The following ART3 variants were observed in gnomAD, a reference collection of about 807,000 sequenced individuals.
ART3 encodes the protein ecto-ADP-ribosyltransferase 3.
ART3 carries 49 observed loss-of-function variants against 48.5 expected under a neutral mutation model. The ratio of observed to expected loss-of-function variants is 1.01; its 90% CI spans 0.80 to 1.28. The LOEUF is 1.28. Ranked by LOEUF, ART3 falls within the 50% of genes most tolerant of loss-of-function variation. The probability of loss-of-function intolerance (pLI) is 0.00; values close to 1 mark genes in which losing one functional copy is unlikely to be tolerated. For synonymous variants in ART3, 145 were observed against 157.2 expected (o/e 0.92, Z 0.58); for missense variants, 438 against 454.3 (o/e 0.96, Z 0.33).
intron 3 of ART3, among the ~76,000 whole-genome samples, chr4:76,091,539 C>T (rs1724888305): frequency 6.6e-6 from 1 of 152,140 alleles, no homozygotes; most frequent in African/African-American, 2.4e-5. Context: ...TATATATTTA[C>T]TGAAACACCT....
chr4:76,089,709 CTG>C (rs1444528224), intron 3 of ART3, among the ~76,000 whole-genome samples: 1 of 144,040 alleles, frequency 6.9e-6, no homozygotes, highest in African/African-American at 2.7e-5. Context: ...AGCTTTAAAA[CTG>C]AGTTCTACCT....
At chr4:76,071,049 T>G (rs1025818188), upstream of ART3, among the ~76,000 whole-genome samples, 1 of 152,044 alleles carries the variant, frequency 6.6e-6, no homozygotes, top group African/African-American at 2.4e-5. Context: ...GGTTTTTTTC[T>G]GTCTTTAAAA....
At chr4:76,088,248 CTTT>C (rs33947322) in intron 3 of ART3, among the ~76,000 whole-genome samples, 4 of 147,614 alleles carry the variant, frequency 2.7e-5, no homozygotes, top group African/African-American at 2.5e-5. Flanking sequence ...CCTGAACTCT[CTTT>C]TTTTTTTTTT....
chr4:76,048,041 G>T (rs1735680256), intron 1 of ART3, among the ~76,000 whole-genome samples: 1 of 152,046 alleles, frequency 6.6e-6, no homozygotes, highest in East Asian at 1.9e-4. Flanking sequence ...TAGCCCAGGG[G>T]TTTTTATGGT....
intron 3 of ART3, among the ~76,000 whole-genome samples, chr4:76,086,921 AAC>A (rs1723721496): frequency 6.6e-6 from 1 of 152,052 alleles, no homozygotes; most frequent in African/African-American, 2.4e-5. Flanking sequence ...GAAATCAGAA[AAC>A]ACTGCAAACC....
At chr4:76,013,820 G>A (rs1732020314) in intron 1 of ART3, among the ~76,000 whole-genome samples, 1 of 152,044 alleles carries the variant, frequency 6.6e-6, no homozygotes, top group African/African-American at 2.4e-5. Context: ...TGTTCATTTA[G>A]CATGTGAAAA....
At chr4:76,032,218 AT>A (rs35489296) in intron 1 of ART3, among the ~76,000 whole-genome samples, 74 of 146,112 alleles carry the variant, frequency 5.1e-4, no homozygotes, top group African/African-American at 4.3e-4. Context: ...AACTCTGTGA[AT>A]TTTTTTTTTT....
chr4:76,098,456 A>C (rs536336924), intron 4 of ART3, among the ~76,000 whole-genome samples: 3 of 152,320 alleles, frequency 2.0e-5, no homozygotes, highest in African/African-American at 7.2e-5. Context: ...TTCTGTTTCT[A>C]GCTGTTTTTC....
intron 1 of ART3, among the ~76,000 whole-genome samples, chr4:76,041,870 T>C (rs1452261584): frequency 6.6e-6 from 1 of 152,222 alleles, no homozygotes; most frequent in African/African-American, 2.4e-5. Flanking sequence ...CCTGTAAATT[T>C]CCCTAGTTGT....
chr4:76,076,293 C>G (rs1018347683), intron 2 of ART3, among the ~76,000 whole-genome samples: 11 of 152,072 alleles, frequency 7.2e-5, no homozygotes, highest in Admixed American at 7.2e-4. Context: ...CGTGAGCCAC[C>G]GCGCTTGGCC....
intron 1 of ART3, among the ~76,000 whole-genome samples, chr4:76,067,500 T>G (rs1329935156): frequency 6.6e-6 from 1 of 152,208 alleles, no homozygotes; most frequent in Non-Finnish European, 1.5e-5. Context: ...AGCTAGCAAT[T>G]AAATGTCACC....
chr4:76,086,191 G>A (rs1723537916), intron 3 of ART3, among the ~76,000 whole-genome samples: 1 of 151,858 alleles, frequency 6.6e-6, no homozygotes, highest in Non-Finnish European at 1.5e-5. Context: ...GTTCACTGCA[G>A]CATTATTCAC....
upstream of ART3, among the ~76,000 whole-genome samples, chr4:76,072,502 G>A (rs914635305): frequency 2.0e-5 from 3 of 151,870 alleles, no homozygotes; most frequent in African/African-American, 7.3e-5. Context: ...TACGTTTAAT[G>A]CTGCCTTCCT....
At chr4:76,035,612 A>C (rs866478604) in intron 1 of ART3, among the ~76,000 whole-genome samples, 2 of 152,212 alleles carry the variant, frequency 1.3e-5, no homozygotes, top group Non-Finnish European at 2.9e-5. Flanking sequence ...TTTATCCTCA[A>C]ATATTTTCCC....
chr4:76,090,088 A>C (rs1040799468), intron 3 of ART3, among the ~76,000 whole-genome samples: 5 of 152,230 alleles, frequency 3.3e-5, no homozygotes, highest in African/African-American at 1.2e-4. Context: ...CTTAAAATAA[A>C]TAAATAAATA....
rs1324681415 is a variant in ART3 at position 76,059,393 on chromosome 4, A to AT, written c.-9-16485dup. Among the ~76,000 whole-genome samples the AT allele has an allele frequency of 7.6e-5, 8 of 104,916 alleles. No individual in the cohort carries two copies. The East Asian group carries it at 1.9e-3, about 25-fold the overall frequency. The allele number at this position is 104,916 out of a possible 152,430, so 68.8% of individuals were successfully genotyped here. A position where few individuals can be genotyped will look rare whatever the true frequency, so the allele number is the denominator to read the frequency against. The stretch of plus-strand genomic sequence containing the variant: ...TTTTCTTTTTTTTTTCCTGAGCTTT[A>AT]TTTGCATCTCCAGTCCTTTTCTCTA... On this transcript the variant is annotated intron_variant, in intron 1 of 9. Transcript: ENST00000341029.
intron 1 of ART3, chr4:76,036,009 C>T: frequency 1.2e-6 from 2 of 1,609,644 alleles, no homozygotes; most frequent in Non-Finnish European, 1.7e-6. Context: ...GCTGTTGCTG[C>T]TGGTGCTGCT....
intron 2 of ART3, among the ~76,000 whole-genome samples, chr4:76,079,176 TAA>T (rs35036561): frequency 6.1e-5 from 8 of 130,860 alleles, no homozygotes; most frequent in Non-Finnish European, 3.1e-5. Context: ...TCATCTTTGT[TAA>T]AAAAAAAAAA....
intron 1 of ART3, among the ~76,000 whole-genome samples, chr4:76,043,074 G>T (rs910325783): frequency 1.3e-5 from 2 of 151,910 alleles, no homozygotes; most frequent in African/African-American, 4.8e-5. Context: ...GTGTCGATTG[G>T]TGCATTCACA....
Sources: allele counts gnomAD v4.1 joint callset (sites outside exome capture counted in the v4.1 genomes callset), GRCh38; gene constraint gnomAD v4.1.1; transcripts MANE v1.5; gene names NCBI Gene and HGNC (gene_info 2026-07-23, HGNC 2026-07-21).